Variants in FOXK1 observed in about 807,000 individuals in gnomAD.
The protein encoded by FOXK1 is forkhead box K1, also known as forkhead box protein K1.
Under a neutral mutation model 51.9 loss-of-function variants are expected in FOXK1, and 19 were observed. That is an observed-to-expected ratio of 0.37 (90% confidence interval 0.26 to 0.54). The LOEUF (loss-of-function observed/expected upper bound fraction) is 0.54, where lower values mean the gene tolerates loss of function less well. Ranked by LOEUF, FOXK1 falls within the 20% of genes least tolerant of loss-of-function variation. The pLI, the probability that FOXK1 is intolerant of heterozygous loss-of-function variation, is 0.87. For synonymous variants in FOXK1, 537 were observed against 482.6 expected (o/e 1.11, Z -1.48); for missense variants, 870 against 1,032.7 (o/e 0.84, Z 2.16).
intron 1 of FOXK1, among the ~76,000 whole-genome samples, chr7:4,724,472 A>G (rs368994422): frequency 7.9e-5 from 12 of 152,238 alleles, no homozygotes; most frequent in South Asian, 4.1e-4. Flanking sequence ...CTGGGATTAC[A>G]GGCGTGAGCC....
intron 1 of FOXK1, among the ~76,000 whole-genome samples, chr7:4,740,419 G>A (rs1425753900): frequency 6.7e-6 from 1 of 148,664 alleles, no homozygotes; most frequent in African/African-American, 2.5e-5. Context: ...GACAGAGTGA[G>A]ACTCCCTCTC....
chr7:4,719,317 C>A (rs572361481), intron 1 of FOXK1, among the ~76,000 whole-genome samples: 13 of 151,878 alleles, frequency 8.6e-5, no homozygotes, highest in African/African-American at 2.9e-4. Flanking sequence ...AAAAAAGATT[C>A]TTTTAATAGA....
chr7:4,690,473 A>G (rs752116324), intron 1 of FOXK1, among the ~76,000 whole-genome samples: 2 of 152,282 alleles, frequency 1.3e-5, no homozygotes, highest in African/African-American at 2.4e-5. Context: ...GTGGGCAAGT[A>G]GCAAGTACAT....
At position 4,755,339 on chromosome 7, in the gene FOXK1, A is replaced by C. The variant is rs543899504; in HGVS notation, c.1006A>C (p.Thr336Pro). ...CCTGAGCGGGATCTACGCCCACATCACCAAGCATTACCCCTACTACCGGAC... is the reference window on the plus strand; with the variant it reads ...CCTGAGCGGGATCTACGCCCACATCCCCAAGCATTACCCCTACTACCGGAC... ...LTLSGIYAHI[T>P]KHYPYYRTAD... Residue 336 changes from threonine to proline, a missense_variant, in exon 4 of 9, where the codon ACC (threonine) becomes CCC (proline). Physicochemically the swap from Thr to Pro is conservative, Grantham distance 38. Transcript: ENST00000328914. The surrounding 1 kb of genome is among the most constrained non-coding windows in gnomAD (Gnocchi z 6.6). The C allele has an allele frequency of 6.2e-7, 1 of 1,613,714 alleles. No individual in the cohort carries two copies. The highest frequency in any genetic ancestry group is 2.2e-5 in the East Asian group (1 of 44,888).
chr7:4,742,656 A>G (rs1160520710), intron 2 of FOXK1, among the ~76,000 whole-genome samples: 1 of 151,978 alleles, frequency 6.6e-6, no homozygotes, highest in Non-Finnish European at 1.5e-5. Flanking sequence ...GGCTCAAGAG[A>G]TCCTCCCTCC....
intron 2 of FOXK1, among the ~76,000 whole-genome samples, chr7:4,751,013 T>A (rs531670208): frequency 2.9e-5 from 3 of 104,700 alleles, no homozygotes; most frequent in African/African-American, 1.8e-4. Flanking sequence ...CCTTCAGCAC[T>A]TTTTTTTTTT....
In FOXK1 at chr7:4,701,812, G is replaced by C. The variant is rs189942241; in HGVS notation, c.560+18944G>C. On this transcript the variant is annotated intron_variant, in intron 1 of 8. Coordinates refer to ENST00000328914, the MANE Select transcript of FOXK1 (RefSeq NM_001037165.2). ...GGAGGCTGAGGCAGGAGAATGGTGG[G>C]AACCTGGGAGGCGGAGTTTGCAGTG... is the stretch of plus-strand genomic sequence containing the variant. Among the ~76,000 whole-genome samples the C allele has an allele frequency of 6.0e-3, 918 of 152,354 alleles. 11 individuals are homozygous for C. The highest frequency in any genetic ancestry group is 0.021 in the African/African-American group (866 of 41,584).
chr7:4,768,156 G>A lies in FOXK1; in HGVS notation c.*5692G>A, dbSNP rs1238945444. Reference sequence around the variant, plus strand: ...TTTTTTTTTTTTTTTTTTTTGAGACGGAGTCTCGCTCTGTCGCCCAGGCTG... The same window carrying A: ...TTTTTTTTTTTTTTTTTTTTGAGACAGAGTCTCGCTCTGTCGCCCAGGCTG... On this transcript the variant is annotated 3_prime_UTR_variant, in exon 9 of 9. Coordinates refer to ENST00000328914, the MANE Select transcript of FOXK1 (RefSeq NM_001037165.2). 6 of 105,786 alleles carry A rather than the reference G, an allele frequency of 5.7e-5. No individual in the cohort carries two copies. The highest frequency in any genetic ancestry group is 1.1e-4 in the Admixed American group (1 of 8,886). 6.6% of individuals were successfully genotyped at this position (105,786 alleles called of 1,614,324 possible). A position where few individuals can be genotyped will look rare whatever the true frequency, so the allele number is the denominator to read the frequency against.
At chr7:4,705,971 T>TACGTATATATACGTATATAC (rs1562372980) in intron 1 of FOXK1, among the ~76,000 whole-genome samples, 13 of 76,470 alleles carry the variant, frequency 1.7e-4, no homozygotes, top group Admixed American at 5.5e-4. Context: ...TATATATATA[T>TACGTATATATACGTATATAC]ACGTATATAT....
Position 4,761,060 on chromosome 7 carries a change from G to A in FOXK1, c.1697-4G>A, listed in dbSNP as rs377610464. The A allele has an allele frequency of 7.5e-5, 120 of 1,608,352 alleles. No individual in the cohort carries two copies. The highest frequency in any genetic ancestry group is 4.9e-4 in the East Asian group (22 of 44,702). The stretch of plus-strand genomic sequence containing the variant: ...GTGGTGCTGACTTGGTTCCTGTCCC[G>A]CAGGCCTGGAGGAGAAACCCACCAT... On this transcript the variant is annotated splice_region_variant and splice_polypyrimidine_tract_variant and intron_variant, in intron 7 of 8. Coordinates refer to ENST00000328914, the MANE Select transcript of FOXK1 (RefSeq NM_001037165.2). This position sits in a 1 kb window ranked among gnomAD's most constrained non-coding sequence, Gnocchi z 6.2.
chr7:4,752,764 G>C (rs950797641), intron 2 of FOXK1, among the ~76,000 whole-genome samples: 7 of 152,186 alleles, frequency 4.6e-5, no homozygotes, highest in Non-Finnish European at 1.0e-4. Context: ...TTGGGTCTGG[G>C]ACCGGGTGCA....
Position 4,740,916 on chromosome 7 carries a change from C to T in FOXK1, c.639C>T (p.Ser213=), listed in dbSNP as rs758378330. ...ATCACAAAGAAGAGGCCCCAGCCTC[C>T]CCGCTGCGGCCACTGTACCCCCAGA... The part of the protein sequence containing the change: ...SLYHKEEAPA[S]PLRPLYPQIS... Residue 213 remains serine, a synonymous_variant, in exon 2 of 9, where the codon TCC becomes TCT. Coordinates refer to ENST00000328914, the MANE Select transcript of FOXK1 (RefSeq NM_001037165.2). 4 of 1,586,746 alleles carry T rather than the reference C, an allele frequency of 2.5e-6. No homozygotes were observed. Among genetic ancestry groups the T allele is most frequent in the South Asian group, 1.1e-5 (1 of 87,008 alleles).
chr7:4,764,420 T>G lies in FOXK1; in HGVS notation c.*1956T>G, dbSNP rs1262668036. On this transcript the variant is annotated 3_prime_UTR_variant, in exon 9 of 9. Coordinates refer to ENST00000328914, the MANE Select transcript of FOXK1 (RefSeq NM_001037165.2). ...AGGTTTCAGAGAAACGGGGGCAGGA[T>G]GAACACAGCCGGCTGTCCTGGGTGC... 6.5e-6 allele frequency: 1 copy of G among 154,490 alleles called. No homozygotes were observed. Among genetic ancestry groups the G allele is most frequent in the Non-Finnish European group, 1.5e-5 (1 of 68,288 alleles). 9.6% of individuals were successfully genotyped at this position (154,490 alleles called of 1,614,324 possible).
At chr7:4,750,939 G>A (rs1780767133) in intron 2 of FOXK1, among the ~76,000 whole-genome samples, 1 of 151,700 alleles carries the variant, frequency 6.6e-6, no homozygotes, top group African/African-American at 2.4e-5. Context: ...CCTGACCTTA[G>A]GTGATCTGCC....
rs1780122761 is a variant in FOXK1, at chr7:4,707,760, C to G, written c.560+24892C>G. Among the ~76,000 whole-genome samples the G allele has an allele frequency of 6.6e-6, 1 of 151,772 alleles. No individual in the cohort carries two copies. The highest frequency in any genetic ancestry group is 2.4e-5 in the African/African-American group (1 of 41,184). ...AGTGCAGTGGCACGATCGTGGCTCTCTGCAACCTCCGCCTCCTGGGTTCAA... is the reference window on the plus strand; with the variant it reads ...AGTGCAGTGGCACGATCGTGGCTCTGTGCAACCTCCGCCTCCTGGGTTCAA... On this transcript the variant is annotated intron_variant, in intron 1 of 8. Transcript: ENST00000328914. This position sits in a 1 kb window ranked among gnomAD's most constrained non-coding sequence, Gnocchi z 4.1.
chr7:4,761,189 A>G lies in FOXK1; in HGVS notation c.1822A>G (p.Thr608Ala). The change falls in exon 8 of 9, where the codon ACA becomes GCA. Residue 608 changes from threonine to alanine, a missense_variant. Around this residue, in one of 3 missense-constraint regions of FOXK1, gnomAD observed 457 missense variants for 510.8 expected, o/e 0.89. Coordinates refer to ENST00000328914, the MANE Select transcript of FOXK1 (RefSeq NM_001037165.2). The surrounding 1 kb of genome is among the most constrained non-coding windows in gnomAD (Gnocchi z 6.2). ...GHTVTILQPATPVTLGQHHLP... is the reference protein window; with the variant it reads ...GHTVTILQPAAPVTLGQHHLP... ...CACGGTCACCATCCTGCAGCCCGCC[A>G]CACCCGTGACCCTCGGGCAGCACCA... 1 of 1,612,970 alleles carries G rather than the reference A, an allele frequency of 6.2e-7. No homozygotes were observed. Among genetic ancestry groups the G allele is most frequent in the Non-Finnish European group, 8.5e-7 (1 of 1,179,994 alleles).
intron 2 of FOXK1, among the ~76,000 whole-genome samples, chr7:4,752,609 A>G (rs1780794019): frequency 6.6e-6 from 1 of 152,134 alleles, no homozygotes; most frequent in Admixed American, 6.5e-5. Flanking sequence ...TGGGCCTCGG[A>G]TGAGATTTTC....
At chr7:4,759,678 C>G in intron 7 of FOXK1, 83 bp downstream of exon 7, 1 of 1,428,510 alleles carries the variant, frequency 7.0e-7, no homozygotes, top group Non-Finnish European at 9.3e-7. Context: ...CGCCATTGGC[C>G]TGGGCCTGGG....
chr7:4,708,661 G>A (rs927960034), intron 1 of FOXK1, among the ~76,000 whole-genome samples: 1 of 152,230 alleles, frequency 6.6e-6, no homozygotes, highest in Admixed American at 6.5e-5. Flanking sequence ...GCTGCAGCAG[G>A]CGGGAGGCTG....
Sources: gnomAD v4.1 joint callset for allele counts (sites outside exome capture counted in the v4.1 genomes callset) on GRCh38, gnomAD v4.1.1 for gene constraint, gnomAD v4.1.1 regional missense constraint, Gnocchi (gnomAD v3.1) non-coding constraint, MANE v1.5 for transcripts, NCBI Gene and HGNC (gene_info 2026-07-23, HGNC 2026-07-21) for gene names.